SPOCK3: variants seen among roughly 807,000 people sequenced by gnomAD.
SPOCK3 encodes the protein testican-3.
In SPOCK3, 30 loss-of-function variants were observed where a neutral mutation model predicts 56.6. The observed-to-expected ratio is 0.53, with a 90% CI of 0.40 to 0.72. The LOEUF is 0.72. SPOCK3 is among the 30% of genes least tolerant of loss of function. The probability of loss-of-function intolerance (pLI) is 0.00; values close to 1 mark genes in which losing one functional copy is unlikely to be tolerated. For missense variants in SPOCK3, 527 were observed against 530.0 expected (o/e 0.99, Z 0.06); for synonymous variants, 196 against 183.3 (o/e 1.07, Z -0.56).
At chr4:166,871,949 G>A (rs1231015292) in intron 6 of SPOCK3, among the ~76,000 whole-genome samples, 1 of 151,064 alleles carries the variant, frequency 6.6e-6, no homozygotes, top group Non-Finnish European at 1.5e-5. Context: ...AATTGAGGCA[G>A]AAAAGTAATT....
chr4:166,887,775 G>A (rs1164990512), intron 6 of SPOCK3, among the ~76,000 whole-genome samples: 2 of 151,414 alleles, frequency 1.3e-5, no homozygotes, highest in African/African-American at 4.9e-5. Flanking sequence ...TACTGCTCGG[G>A]TGATGGGTGG....
At chr4:166,895,987 C>T (rs565729922) in intron 5 of SPOCK3, among the ~76,000 whole-genome samples, 1 of 152,192 alleles carries the variant, frequency 6.6e-6, no homozygotes, top group East Asian at 1.9e-4. Context: ...AAAATGTGTA[C>T]ATCTGACACC....
chr4:166,742,488 A>C (rs1219773011), intron 8 of SPOCK3, among the ~76,000 whole-genome samples: 1 of 152,166 alleles, frequency 6.6e-6, no homozygotes, highest in Admixed American at 6.5e-5. Context: ...TGAAGCAATT[A>C]ACTGATTATG....
At chr4:167,084,905 G>C (rs1758049254) in intron 2 of SPOCK3, among the ~76,000 whole-genome samples, 1 of 151,992 alleles carries the variant, frequency 6.6e-6, no homozygotes, top group African/African-American at 2.4e-5. Flanking sequence ...AAGTCTTGTA[G>C]GTACAAACAG....
intron 2 of SPOCK3, among the ~76,000 whole-genome samples, chr4:167,105,524 T>C (rs1449553938): frequency 1.3e-5 from 1 of 76,344 alleles, no homozygotes; most frequent in African/African-American, 5.3e-5. Context: ...AAAAGAAAGA[T>C]AGGAAGGAAG....
chr4:166,939,549 C>G (rs773215650), intron 4 of SPOCK3, among the ~76,000 whole-genome samples: 8 of 152,088 alleles, frequency 5.3e-5, no homozygotes, highest in Non-Finnish European at 1.2e-4. Flanking sequence ...TAGTTCTATG[C>G]AGGAAATGAT....
chr4:166,794,210 CAAAAAAAA>C (rs10710162), intron 6 of SPOCK3, among the ~76,000 whole-genome samples: 30 of 73,626 alleles, frequency 4.1e-4, no homozygotes, highest in Admixed American at 1.7e-3. Context: ...GGTGATAAGG[CAAAAAAAA>C]AAAAAAAAAA....
chr4:167,186,171 AAAT>A (rs761335302), intron 2 of SPOCK3, among the ~76,000 whole-genome samples: 6 of 152,208 alleles, frequency 3.9e-5, no homozygotes, highest in Admixed American at 6.5e-5. Context: ...ATTAATTATA[AAAT>A]ATTATACCTG....
chr4:166,989,900 T>C (rs1406435129), intron 4 of SPOCK3, among the ~76,000 whole-genome samples: 1 of 152,216 alleles, frequency 6.6e-6, no homozygotes. Flanking sequence ...TAAATTTCAT[T>C]ATATCTTGTG....
rs184618748 is a variant in SPOCK3 at position 166,869,096 on chromosome 4, C to A, written c.589+20034G>T. Among the ~76,000 whole-genome samples the A allele has an allele frequency of 1.6e-3, 241 of 152,194 alleles. 2 individuals are homozygous for A. Among genetic ancestry groups the A allele is most frequent in the Non-Finnish European group, 1.9e-3 (129 of 67,982 alleles). On this transcript the variant is annotated intron_variant, in intron 6 of 10. Transcript: ENST00000357545. ...CAAAGCTGCTCCCAGGCTAATGGAG[C>A]AGAGCTCTCCATTTGACTCAACTGA...
chr4:166,764,416 C>G (rs1737690728), intron 7 of SPOCK3, among the ~76,000 whole-genome samples: 1 of 152,038 alleles, frequency 6.6e-6, no homozygotes, highest in African/African-American at 2.4e-5. Context: ...GTTCAATTCC[C>G]ACCTATGAGT....
chr4:166,845,945 G>C (rs962400454), intron 6 of SPOCK3, among the ~76,000 whole-genome samples: 1 of 152,136 alleles, frequency 6.6e-6, no homozygotes, highest in Admixed American at 6.5e-5. Context: ...AGCTATTGCT[G>C]CTAGGCTACG....
chr4:166,861,829 G>A (rs141610215), intron 6 of SPOCK3, among the ~76,000 whole-genome samples: 30 of 152,168 alleles, frequency 2.0e-4, no homozygotes, highest in African/African-American at 6.7e-4. Context: ...GGCAGCAGCT[G>A]CAAATTTTTT....
chr4:166,754,140 T>C (rs1269471118), intron 8 of SPOCK3: 1 of 998,474 alleles, frequency 1.0e-6, no homozygotes, highest in East Asian at 1.0e-4. Flanking sequence ...CTCCACCGTA[T>C]AGTGATAAAA....
intron 6 of SPOCK3, among the ~76,000 whole-genome samples, chr4:166,823,516 A>C (rs888849099): frequency 6.6e-6 from 1 of 152,052 alleles, no homozygotes; most frequent in Non-Finnish European, 1.5e-5. Context: ...ATTTCTGTGA[A>C]AATTCTGACT....
At chr4:166,966,279 C>A (rs923563309) in intron 4 of SPOCK3, among the ~76,000 whole-genome samples, 6 of 149,988 alleles carry the variant, frequency 4.0e-5, no homozygotes, top group African/African-American at 1.5e-4. Flanking sequence ...CTTGAAGTGA[C>A]AGATTTACTT....
intron 6 of SPOCK3, among the ~76,000 whole-genome samples, chr4:166,807,685 A>AT (rs1743324710): frequency 6.6e-6 from 1 of 152,154 alleles, no homozygotes; most frequent in African/African-American, 2.4e-5. Flanking sequence ...AATAGGACAC[A>AT]TACTATAAAA....
intron 6 of SPOCK3, among the ~76,000 whole-genome samples, chr4:166,818,065 T>A (rs1010623313): frequency 1.4e-4 from 21 of 152,118 alleles, no homozygotes; most frequent in African/African-American, 4.6e-4. Flanking sequence ...CACTTATCAC[T>A]TTTGTCAGAT....
At chr4:166,916,686 T>C (rs1270713370) in intron 4 of SPOCK3, among the ~76,000 whole-genome samples, 1 of 152,184 alleles carries the variant, frequency 6.6e-6, no homozygotes, top group African/African-American at 2.4e-5. Context: ...CATTCTAACT[T>C]GACTTGAATT....
Sources: gnomAD v4.1 joint callset for allele counts (sites outside exome capture counted in the v4.1 genomes callset) on GRCh38, gnomAD v4.1.1 for gene constraint, MANE v1.5 for transcripts, NCBI Gene and HGNC (gene_info 2026-07-23, HGNC 2026-07-21) for gene names.